ZNF83: variants seen among roughly 807,000 people sequenced by gnomAD.
ZNF83 encodes zinc finger protein 83.
For synonymous variants in ZNF83, 209 were observed against 213.0 expected, an observed-to-expected ratio of 0.98 and a Z score of 0.17; for missense variants, 552 against 629.9, an observed-to-expected ratio of 0.88 and a Z score of 1.32.
chr19:52,633,205 C>T (rs901336214), intron 2 of ZNF83, among the ~76,000 whole-genome samples: 22 of 151,204 alleles, frequency 1.5e-4, no homozygotes, highest in African/African-American at 4.4e-4. Context: ...CACCTTGTGG[C>T]CCCCACCCCT....
chr19:52,653,676 A>G (rs184271970), intron 3 of ZNF83, among the ~76,000 whole-genome samples: 373 of 152,312 alleles, frequency 2.4e-3, no homozygotes, highest in Non-Finnish European at 4.1e-3. Context: ...TATGAAGTCT[A>G]TGATGGCGTG....
chr19:52,653,318 G>T, intron 3 of ZNF83: 8 of 1,329,862 alleles, frequency 6.0e-6, no homozygotes, highest in Middle Eastern at 1.9e-4. Flanking sequence ...CATGTGTAAG[G>T]TTTCTCTCCA....
chr19:52,637,337 G>T (rs182390520), intron 1 of ZNF83, among the ~76,000 whole-genome samples: 1 of 151,934 alleles, frequency 6.6e-6, no homozygotes, highest in Non-Finnish European at 1.5e-5. Flanking sequence ...CCCTGCTGTG[G>T]TTCTCCCTCT....
intron 1 of ZNF83, among the ~76,000 whole-genome samples, chr19:52,676,965 A>C (rs2061822367): frequency 6.9e-6 from 1 of 143,914 alleles, no homozygotes; most frequent in Admixed American, 7.1e-5. Flanking sequence ...CCCTAATCTC[A>C]AGTAATCAGG....
At chr19:52,646,478 G>A (rs1041443286) in intron 3 of ZNF83, among the ~76,000 whole-genome samples, 39 of 152,162 alleles carry the variant, frequency 2.6e-4, no homozygotes, top group African/African-American at 8.4e-4. Context: ...GACCCCCGGA[G>A]GTCAAGGCTA....
At chr19:52,642,516 A>C (rs2147227364), upstream of ZNF83, among the ~76,000 whole-genome samples, 1 of 151,920 alleles carries the variant, frequency 6.6e-6, no homozygotes, top group South Asian at 2.1e-4. Flanking sequence ...GATCAACTGC[A>C]CCCAGCCTCT....
intron 1 of ZNF83, chr19:52,635,728 C>G (rs1378786381): frequency 6.6e-6 from 1 of 152,126 alleles, no homozygotes; most frequent in African/African-American, 2.4e-5. Flanking sequence ...GCCACAGTGG[C>G]TCATGCCTGT....
chr19:52,623,602 C>T (rs2060627721), intron 2 of ZNF83, among the ~76,000 whole-genome samples: 2 of 152,206 alleles, frequency 1.3e-5, no homozygotes, highest in South Asian at 4.1e-4. Flanking sequence ...CCAAAGCCTC[C>T]TTCACGTCTT....
At chr19:52,630,030 C>T (rs1164672597) in intron 2 of ZNF83, among the ~76,000 whole-genome samples, 2 of 152,216 alleles carry the variant, frequency 1.3e-5, no homozygotes, top group Non-Finnish European at 2.9e-5. Context: ...AGAACCTCCT[C>T]CCCCAGGAGC....
At chr19:52,669,718 T>C (rs908586565) in intron 1 of ZNF83, among the ~76,000 whole-genome samples, 5 of 152,182 alleles carry the variant, frequency 3.3e-5, no homozygotes, top group African/African-American at 9.6e-5. Flanking sequence ...TGGAAAAGAA[T>C]AGTAGCCTCA....
chr19:52,629,863 A>C (rs1311602151), intron 2 of ZNF83, among the ~76,000 whole-genome samples: 1 of 152,350 alleles, frequency 6.6e-6, no homozygotes, highest in Admixed American at 6.5e-5. Flanking sequence ...TCCGGCCCTC[A>C]AACCCCACAA....
rs2061660203 is a variant in ZNF83, at chr19:52,666,824, C to T, written c.-282-5981G>A. ...GGCCTAGGAGGAACTCCCTTCCAGA[C>T]AGGACTATACAGGGTTTCTCCCAGG... On this transcript the variant is annotated intron_variant, in intron 1 of 5. Coordinates refer to the ZNF83 transcript ENST00000594682. 3.9e-5 allele frequency among the ~76,000 whole-genome samples: 6 copies of T among 152,270 alleles called. No homozygotes were observed. The South Asian group carries it at 1.2e-3, about 32-fold the overall frequency.
rs191940992 is a variant in ZNF83 at position 52,618,961 on chromosome 19, C to A, written c.-233-4164G>T. ...CCAGGGAGACCAGGTTCCTATAATT[C>A]TCCAACATCACATCTCTGTATAGAG... On this transcript the variant is annotated intron_variant, in intron 2 of 2. Coordinates refer to ENST00000301096, the Ensembl canonical transcript of ZNF83. The A allele has an allele frequency of 4.1e-4, 624 of 1,538,280 alleles. 60 individuals carry two copies. The African/African-American group carries it at 7.1e-3, about 18-fold the overall frequency.
chr19:52,687,633 G>GTGTATATA lies in ZNF83; in HGVS notation c.-283+2809_-283+2810insTATATACA, dbSNP rs1555792757. ...TATAATGTGTATATATATATATAAT[G>GTGTATATA]TATATATATATATATATATATATAA... On this transcript the variant is annotated intron_variant, in intron 1 of 5. Transcript: ENST00000594682. Among the ~76,000 whole-genome samples, 38 of 27,840 alleles carry GTGTATATA rather than the reference G, an allele frequency of 1.4e-3. 8 individuals carry two copies. The highest frequency in any genetic ancestry group is 0.011 in the African/African-American group (37 of 3,244). The allele number at this position is 27,840 out of a possible 152,430, so 18.3% of individuals were successfully genotyped here.
intron 1 of ZNF83, among the ~76,000 whole-genome samples, chr19:52,687,637 ATATATATATATATATATATAATG>A (rs1271696774): frequency 1.7e-4 from 3 of 17,356 alleles, no homozygotes; most frequent in African/African-American, 8.6e-4. Flanking sequence ...TATAATGTAT[ATATATATATATATATATATAATG>A]TATATATATA....
intron 2 of ZNF83, among the ~76,000 whole-genome samples, chr19:52,630,285 A>T (rs2147154272): frequency 6.6e-6 from 1 of 152,338 alleles, no homozygotes; most frequent in South Asian, 2.1e-4. Context: ...CTACAGGACC[A>T]TCACAGATGC....
chr19:52,685,897 CA>C (rs3055370), intron 1 of ZNF83, among the ~76,000 whole-genome samples: 3,094 of 129,028 alleles, frequency 0.024, 17 homozygotes, highest in South Asian at 0.038. Context: ...GTAACTGTCA[CA>C]AAAAAAAAAA....
In ZNF83 at chr19:52,675,527, G is replaced by A. The variant is rs549789880; in HGVS notation, c.-282-14684C>T. Among the ~76,000 whole-genome samples the A allele has an allele frequency of 4.6e-5, 7 of 152,126 alleles. No homozygotes were observed. The South Asian group carries it at 8.3e-4, about 18-fold the overall frequency. On this transcript the variant is annotated intron_variant, in intron 1 of 5. Coordinates refer to the ZNF83 transcript ENST00000594682. ...ATACCCTGCACACACTGATTTAAGCGGCCTCCTATAATTTTGTCCAGTGGA... is the reference window on the plus strand; with the variant it reads ...ATACCCTGCACACACTGATTTAAGCAGCCTCCTATAATTTTGTCCAGTGGA...
intron 2 of ZNF83, among the ~76,000 whole-genome samples, chr19:52,620,268 C>CTGTGTGTGTGTGTG (rs1346555908): frequency 8.2e-5 from 10 of 121,326 alleles, no homozygotes; most frequent in African/African-American, 2.6e-4. Flanking sequence ...GTGTGTATAT[C>CTGTGTGTGTGTGTG]TCTGTGTGTG....
Sources: gnomAD v4.1 joint callset for allele counts (sites outside exome capture counted in the v4.1 genomes callset) on GRCh38, gnomAD v4.1.1 for gene constraint, MANE v1.5 for transcripts, NCBI Gene and HGNC (gene_info 2026-07-23, HGNC 2026-07-21) for gene names.